The following ARHGAP42 variants were observed in gnomAD, a reference collection of about 807,000 sequenced individuals.
The protein encoded by ARHGAP42 is rho GTPase-activating protein 42.
ARHGAP42 carries 63 observed loss-of-function variants against 125.0 expected under a neutral mutation model. That is an observed-to-expected ratio of 0.50 (90% CI 0.41 to 0.62). The LOEUF (loss-of-function observed/expected upper bound fraction) is 0.62, where lower values mean the gene tolerates loss of function less well. ARHGAP42 is among the 20% of genes least tolerant of loss of function. The pLI is 0.00. For missense variants in ARHGAP42, 766 were observed against 1,024.2 expected (o/e 0.75, Z 3.44); for synonymous variants, 339 against 351.0 (o/e 0.97, Z 0.38).
At chr11:100,744,190 C>T (rs1249588342) in intron 1 of ARHGAP42, among the ~76,000 whole-genome samples, 2 of 152,084 alleles carry the variant, frequency 1.3e-5, no homozygotes, top group Non-Finnish European at 1.5e-5. Flanking sequence ...AGTCTGGTCT[C>T]GAACTCCTGA....
At chr11:100,985,737 C>G (rs530670963) in intron 22 of ARHGAP42, among the ~76,000 whole-genome samples, 2 of 152,214 alleles carry the variant, frequency 1.3e-5, no homozygotes, top group African/African-American at 4.8e-5. Flanking sequence ...CAGCCTGAGG[C>G]TCACCTCTGA....
chr11:100,960,894 T>C, intron 13 of ARHGAP42, 21 bp from the exon 14 acceptor site: 1 of 1,463,762 alleles, frequency 6.8e-7, no homozygotes, highest in Non-Finnish European at 9.1e-7. Context: ...GCCGTTTTCT[T>C]GTGATTTTCC....
chr11:100,780,175 G>A (rs1863270555), intron 2 of ARHGAP42, among the ~76,000 whole-genome samples: 1 of 152,020 alleles, frequency 6.6e-6, no homozygotes, highest in Non-Finnish European at 1.5e-5. Flanking sequence ...TGAAAAAGGT[G>A]GTCCAAATTT....
At chr11:100,795,575 A>C (rs537461965) in intron 3 of ARHGAP42, among the ~76,000 whole-genome samples, 1 of 152,216 alleles carries the variant, frequency 6.6e-6, no homozygotes, top group African/African-American at 2.4e-5. Context: ...GTTAAAAGGT[A>C]ACGCTTGAGT....
At chr11:100,962,615 A>G (rs1278020483) in intron 16 of ARHGAP42, 148 bp downstream of exon 16, 4 of 701,434 alleles carry the variant, frequency 5.7e-6, no homozygotes, top group Non-Finnish European at 9.1e-6. Flanking sequence ...GGTGGCTCAA[A>G]CCTGTAATTC....
rs566823065 is a variant in ARHGAP42, at chr11:100,890,338, G to T, written c.385-23114G>T. On this transcript the variant is annotated intron_variant, in intron 4 of 23. Transcript: ENST00000298815. ...TCTGTTGCATTTGTTTCCTTTCATG[G>T]TTTCATTGTTTTTTTGATGGCTTTC... Among the ~76,000 whole-genome samples the T allele has an allele frequency of 5.9e-5, 9 of 152,198 alleles. No individual in the cohort carries two copies. In the East Asian group the frequency reaches 1.4e-3, roughly 23 times the overall value.
intron 9 of ARHGAP42, among the ~76,000 whole-genome samples, chr11:100,942,392 G>A (rs1039987726): frequency 6.6e-6 from 1 of 152,152 alleles, no homozygotes; most frequent in Non-Finnish European, 1.5e-5. Context: ...AAGTAAATTG[G>A]TCACTGAAGG....
intron 17 of ARHGAP42, among the ~76,000 whole-genome samples, chr11:100,966,667 G>T (rs879415326): frequency 6.6e-6 from 1 of 152,002 alleles, no homozygotes; most frequent in African/African-American, 2.4e-5. Context: ...CCAAATATCT[G>T]GGTATCATAG....
chr11:100,863,937 T>A (rs1591248710), intron 4 of ARHGAP42, among the ~76,000 whole-genome samples: 1 of 152,320 alleles, frequency 6.6e-6, no homozygotes, highest in East Asian at 1.9e-4. Flanking sequence ...CGTATTAGCA[T>A]TATGCAAAAG....
chr11:100,752,347 T>G (rs975651469), intron 1 of ARHGAP42, among the ~76,000 whole-genome samples: 2 of 152,150 alleles, frequency 1.3e-5, no homozygotes, highest in Admixed American at 6.5e-5. Flanking sequence ...GCCTGCCTGT[T>G]GGGGTATTGT....
intron 4 of ARHGAP42, among the ~76,000 whole-genome samples, chr11:100,911,418 G>T (rs184192151): frequency 6.6e-6 from 1 of 152,132 alleles, no homozygotes; most frequent in Non-Finnish European, 1.5e-5. Flanking sequence ...TCAAAAAGGA[G>T]AGAGTTGAAA....
At chr11:100,784,249 T>C (rs866530905) in intron 2 of ARHGAP42, among the ~76,000 whole-genome samples, 5 of 152,232 alleles carry the variant, frequency 3.3e-5, no homozygotes, top group African/African-American at 9.6e-5. Flanking sequence ...CATAGGCACG[T>C]ACCTTATGGC....
intron 3 of ARHGAP42, among the ~76,000 whole-genome samples, chr11:100,845,739 C>G (rs1471779717): frequency 6.6e-6 from 1 of 152,062 alleles, no homozygotes; most frequent in Non-Finnish European, 1.5e-5. Context: ...TCGTTTTCAC[C>G]TTTTTGCCCA....
chr11:100,736,854 T>A (rs1488289380), intron 1 of ARHGAP42, among the ~76,000 whole-genome samples: 1 of 152,196 alleles, frequency 6.6e-6, no homozygotes, highest in Non-Finnish European at 1.5e-5. Context: ...TTATTCTGGA[T>A]TTTTCCTTAC....
intron 3 of ARHGAP42, among the ~76,000 whole-genome samples, chr11:100,817,893 A>C (rs1864307414): frequency 6.6e-6 from 1 of 152,198 alleles, no homozygotes; most frequent in Non-Finnish European, 1.5e-5. Context: ...TGGTGATGAT[A>C]CTGATAGTTA....
intron 1 of ARHGAP42, among the ~76,000 whole-genome samples, chr11:100,717,707 A>G (rs903987378): frequency 6.6e-6 from 1 of 151,632 alleles, no homozygotes; most frequent in South Asian, 2.1e-4. Flanking sequence ...TGGCAGATCA[A>G]TAGAGGTCAG....
chr11:100,857,011 T>A (rs1304584757), intron 3 of ARHGAP42, among the ~76,000 whole-genome samples: 1 of 152,074 alleles, frequency 6.6e-6, no homozygotes, highest in African/African-American at 2.4e-5. Flanking sequence ...ATTTTTTATA[T>A]GTTTGACTTC....
chr11:100,973,299 A>C lies in ARHGAP42; in HGVS notation c.1675A>C (p.Ile559Leu). 6.4e-7 allele frequency: 1 copy of C among 1,550,898 alleles called. No individual in the cohort carries two copies. The highest frequency in any genetic ancestry group is 8.7e-7 in the Non-Finnish European group (1 of 1,146,612). ...AAMMNIKFQN[I>L]VVEILIEHYE... Reference sequence around the variant, plus strand: ...TATGATGAATATTAAATTTCAGAATATTGTGGTAGAAATTCTGATAGAGCA... The same window carrying C: ...TATGATGAATATTAAATTTCAGAATCTTGTGGTAGAAATTCTGATAGAGCA... The change falls in exon 18 of 24, where the codon ATT becomes CTT. Residue 559 changes from isoleucine (I) to leucine (L), a missense_variant. By Grantham distance (5) the Ile-to-Leu change is conservative (BLOSUM62 2). This residue lies in a region of ARHGAP42 where 308 missense variants were observed against 369.7 expected (regional missense o/e 0.83). Transcript: ENST00000298815.
At chr11:100,771,880 G>C (rs560843426) in intron 2 of ARHGAP42, among the ~76,000 whole-genome samples, 17 of 152,190 alleles carry the variant, frequency 1.1e-4, no homozygotes, top group African/African-American at 3.9e-4. Context: ...GATTACAGAC[G>C]TGAGCCACTG....
Sources: allele counts gnomAD v4.1 joint callset (sites outside exome capture counted in the v4.1 genomes callset), GRCh38; gene constraint gnomAD v4.1.1; regional missense constraint gnomAD v4.1.1; transcripts MANE v1.5; gene names NCBI Gene and HGNC (gene_info 2026-07-23, HGNC 2026-07-21).